Variants in PCDHGB2 observed in about 807,000 individuals in gnomAD.
The protein encoded by PCDHGB2 is protocadherin gamma subfamily B, 2.
Under a neutral mutation model 59.3 loss-of-function variants are expected in PCDHGB2, and 55 were observed. The observed-to-expected ratio is 0.93, with a 90% CI of 0.75 to 1.16. The LOEUF is 1.16. Among genes scored for constraint, PCDHGB2 ranks in the 50% most tolerant of loss-of-function variants. PCDHGB2 has a pLI of 0.00. For missense variants in PCDHGB2, 1,228 were observed against 1,198.5 expected (o/e 1.02, Z -0.36); for synonymous variants, 516 against 512.0 (o/e 1.01, Z -0.11).
chr5:141,415,920 G>T, intron 1 of PCDHGB2: 1 of 692,798 alleles, frequency 1.4e-6, no homozygotes, highest in Non-Finnish European at 2.0e-6. Context: ...AGAAGTGCCT[G>T]TCAATTTATA....
chr5:141,394,778 C>A (rs377451053), intron 1 of PCDHGB2: 82 of 1,613,634 alleles, frequency 5.1e-5, no homozygotes, highest in Admixed American at 3.7e-4. Context: ...CCCCTCTCTC[C>A]GCCACTGTCA....
At chr5:141,414,174 A>C in intron 1 of PCDHGB2, 1 of 1,607,520 alleles carries the variant, frequency 6.2e-7, no homozygotes, top group Non-Finnish European at 8.5e-7. Context: ...CATATCTTGC[A>C]ACTGCAAAAG....
intron 2 of PCDHGB2, among the ~76,000 whole-genome samples, chr5:141,495,607 A>G (rs1484333463): frequency 1.3e-5 from 2 of 151,832 alleles, no homozygotes; most frequent in Admixed American, 1.3e-4. Flanking sequence ...TTCCGTCTTG[A>G]TTGCTGCACC....
chr5:141,422,838 C>G, intron 1 of PCDHGB2: 3 of 1,614,252 alleles, frequency 1.9e-6, no homozygotes, highest in African/African-American at 2.7e-5. Flanking sequence ...TAGCACGTGA[C>G]AGCGGGGACC....
Position 141,419,737 on chromosome 5 carries a change from G to A in PCDHGB2, c.2421+57181G>A, listed in dbSNP as rs201663350. 29 of 1,613,836 alleles carry A rather than the reference G, an allele frequency of 1.8e-5. No individual in the cohort carries two copies. In the African/African-American group the frequency reaches 3.6e-4, roughly 20 times the overall value. ...GCCTGGGGCTGCGAACAGGCGAGGTGCGCATGGTGCGTGCTTTGGGTGACA... is the reference window on the plus strand; with the variant it reads ...GCCTGGGGCTGCGAACAGGCGAGGTACGCATGGTGCGTGCTTTGGGTGACA... On this transcript the variant is annotated intron_variant, in intron 1 of 3. Transcript: ENST00000522605.
rs2099750571 is a variant in PCDHGB2, at chr5:141,493,878, T to A, written c.2422-929T>A. On this transcript the variant is annotated intron_variant, in intron 1 of 3. Coordinates refer to ENST00000522605, the MANE Select transcript of PCDHGB2 (RefSeq NM_018923.3). This position sits in a 1 kb window ranked among gnomAD's most constrained non-coding sequence, Gnocchi z 4.3. ...GCCCACCCCAGAACCAGTGAGGAGG[T>A]GGCTCTAGGAGTGCTCCATGAGAGT... is the stretch of plus-strand genomic sequence containing the variant. 6.6e-6 allele frequency among the ~76,000 whole-genome samples: 1 copy of A among 152,072 alleles called. No homozygotes were observed. The highest frequency in any genetic ancestry group is 6.6e-5 in the Admixed American group (1 of 15,264).
chr5:141,497,312 G>A (rs940721317), intron 2 of PCDHGB2, among the ~76,000 whole-genome samples: 7 of 152,038 alleles, frequency 4.6e-5, no homozygotes, highest in African/African-American at 1.7e-4. Flanking sequence ...CCATACACTG[G>A]CTTTGAAGCA....
intron 1 of PCDHGB2, among the ~76,000 whole-genome samples, chr5:141,451,090 A>G (rs2098706546): frequency 6.6e-6 from 1 of 151,864 alleles, no homozygotes; most frequent in Non-Finnish European, 1.5e-5. Context: ...GACCTCCCAA[A>G]GTGTTGGGAT....
chr5:141,508,994 A>G (rs2099873731), intron 3 of PCDHGB2, among the ~76,000 whole-genome samples: 1 of 152,052 alleles, frequency 6.6e-6, no homozygotes, highest in South Asian at 2.1e-4. Flanking sequence ...CAGCTGGGGT[A>G]GGAGAGGAGG....
At chr5:141,435,103 G>A (rs1468698388) in intron 1 of PCDHGB2, among the ~76,000 whole-genome samples, 2 of 151,914 alleles carry the variant, frequency 1.3e-5, no homozygotes, top group African/African-American at 2.4e-5. Flanking sequence ...TTTATCTAGG[G>A]GGGAGAAATC....
chr5:141,498,994 AAGG>A (rs1310594976), intron 2 of PCDHGB2, among the ~76,000 whole-genome samples: 4 of 148,560 alleles, frequency 2.7e-5, no homozygotes, highest in Non-Finnish European at 4.5e-5. Flanking sequence ...GGAAGGAAGG[AAGG>A]AAGGAAGGAA....
At position 141,431,513 on chromosome 5, in the gene PCDHGB2, C is replaced by A. The variant is rs1468442248; in HGVS notation, c.2422-63294C>A. ...TCAGCCCGAGTACCGCGCGAGCGTT[C>A]CGGAGAATCTGGCCTTGGGCACGCA... is the stretch of plus-strand genomic sequence containing the variant. On this transcript the variant is annotated intron_variant, in intron 1 of 3. Transcript: ENST00000522605. The surrounding 1 kb of genome is among the most constrained non-coding windows in gnomAD (Gnocchi z 4.8). 1 of 1,614,022 alleles carries A rather than the reference C, an allele frequency of 6.2e-7. No individual in the cohort carries two copies. The highest frequency in any genetic ancestry group is 1.7e-5 in the Admixed American group (1 of 60,032).
In PCDHGB2 at chr5:141,409,025, G is replaced by T. The variant is rs202094928; in HGVS notation, c.2421+46469G>T. Reference sequence around the variant, plus strand: ...CACTGACCAGGATGAGGGGGTCAATGCTGAGATAAACTACTACTTCCGAAG... The same window carrying T: ...CACTGACCAGGATGAGGGGGTCAATTCTGAGATAAACTACTACTTCCGAAG... On this transcript the variant is annotated intron_variant, in intron 1 of 3. Coordinates refer to ENST00000522605, the MANE Select transcript of PCDHGB2 (RefSeq NM_018923.3). 2.9e-3 allele frequency: 4,667 copies of T among 1,614,008 alleles called. 11 individuals are homozygous for T. The highest frequency in any genetic ancestry group is 3.6e-3 in the Non-Finnish European group (4,254 of 1,179,906).
intron 1 of PCDHGB2, among the ~76,000 whole-genome samples, chr5:141,430,341 C>T (rs766664177): frequency 1.4e-4 from 21 of 149,938 alleles, no homozygotes; most frequent in Non-Finnish European, 2.8e-4. Context: ...TAGAAACTTC[C>T]AATTCATTTA....
At chr5:141,427,840 A>C (rs779622800) in intron 1 of PCDHGB2, 8 of 1,548,180 alleles carry the variant, frequency 5.2e-6, no homozygotes, top group Admixed American at 3.3e-5. Flanking sequence ...CGTGCCTTCG[A>C]CCACGAGCAG....
At chr5:141,369,497 C>A (rs1027825158) in intron 1 of PCDHGB2, among the ~76,000 whole-genome samples, 3 of 151,926 alleles carry the variant, frequency 2.0e-5, no homozygotes, top group Non-Finnish European at 4.4e-5. Context: ...TGAAACCCCA[C>A]CTCTATAGAA....
chr5:141,409,230 A>G, intron 1 of PCDHGB2: 1 of 1,614,024 alleles, frequency 6.2e-7, no homozygotes. Context: ...GAAAACGACA[A>G]CAGCCCAGAA....
chr5:141,388,336 G>C, intron 1 of PCDHGB2: 2 of 1,613,966 alleles, frequency 1.2e-6, no homozygotes, highest in South Asian at 1.1e-5. Context: ...CCTGGCACAC[G>C]ATTTATATTA....
intron 1 of PCDHGB2, chr5:141,399,900 C>A (rs752796935): frequency 6.2e-7 from 1 of 1,612,532 alleles, no homozygotes; most frequent in African/African-American, 1.3e-5. Flanking sequence ...TGGCCGTGGA[C>A]GCAGACTCAG....
Sources: allele counts gnomAD v4.1 joint callset (sites outside exome capture counted in the v4.1 genomes callset), GRCh38; gene constraint gnomAD v4.1.1; non-coding constraint Gnocchi (gnomAD v3.1); transcripts MANE v1.5; gene names NCBI Gene and HGNC (gene_info 2026-07-23, HGNC 2026-07-21).